ZNF609: variants seen among roughly 807,000 people sequenced by gnomAD.
ZNF609 encodes the protein zinc finger protein 609.
A neutral mutation model predicts 109.5 loss-of-function variants in ZNF609; 11 were observed. The ratio of observed to expected loss-of-function variants is 0.10; its 90% CI spans 0.06 to 0.17. The LOEUF is 0.17. ZNF609 is among the 10% of genes least tolerant of loss of function. ZNF609 has a pLI of 1.00. For synonymous variants in ZNF609, 646 were observed against 662.0 expected (o/e 0.98, Z 0.37); for missense variants, 1,559 against 1,772.4 (o/e 0.88, Z 2.16).
At chr15:64,670,208 C>T in intron 3 of ZNF609, 138 bp from the exon 4 acceptor site, 1 of 684,050 alleles carries the variant, frequency 1.5e-6, no homozygotes, top group South Asian at 1.7e-5. Flanking sequence ...CTATTCTGGC[C>T]CAATCCTATT....
intron 3 of ZNF609, among the ~76,000 whole-genome samples, chr15:64,661,621 A>G (rs1368755521): frequency 6.6e-6 from 1 of 152,174 alleles, no homozygotes; most frequent in East Asian, 1.9e-4. Flanking sequence ...ATTCAGGTAC[A>G]CTTCATCTCT....
At chr15:64,653,585 G>A (rs572350275) in intron 3 of ZNF609, among the ~76,000 whole-genome samples, 1 of 152,152 alleles carries the variant, frequency 6.6e-6, no homozygotes, top group African/African-American at 2.4e-5. Flanking sequence ...GGCAGAGGTT[G>A]CAGTGAGCTG....
Position 64,583,600 on chromosome 15 carries a change from A to C in ZNF609, c.748-39227A>C, listed in dbSNP as rs374547333. 5.3e-4 allele frequency among the ~76,000 whole-genome samples: 81 copies of C among 152,284 alleles called. No individual in the cohort carries two copies. In the East Asian group the frequency reaches 9.1e-3, roughly 17 times the overall value. On this transcript the variant is annotated intron_variant, in intron 2 of 9. Transcript: ENST00000326648. ...CTGCTTTCTCATAGCCCAGAGGAGCAAAAAGGGGTTTGTGTTTGACTGTTG... is the reference window on the plus strand; with the variant it reads ...CTGCTTTCTCATAGCCCAGAGGAGCCAAAAGGGGTTTGTGTTTGACTGTTG...
chr15:64,610,427 C>A (rs1417860426), intron 2 of ZNF609, among the ~76,000 whole-genome samples: 1 of 152,080 alleles, frequency 6.6e-6, no homozygotes, highest in Non-Finnish European at 1.5e-5. Flanking sequence ...CAACAAACCC[C>A]AGTGACAGTT....
intron 2 of ZNF609, among the ~76,000 whole-genome samples, chr15:64,585,551 A>AT (rs1595728593): frequency 6.6e-6 from 1 of 152,158 alleles, no homozygotes; most frequent in East Asian, 1.9e-4. Context: ...TAAGATATCC[A>AT]TTTTTTGGAA....
intron 1 of ZNF609, among the ~76,000 whole-genome samples, chr15:64,468,433 T>G (rs1893045523): frequency 6.6e-6 from 1 of 150,788 alleles, no homozygotes; most frequent in Admixed American, 6.6e-5. Context: ...TTTTTTTGTG[T>G]GTTTTTTTTT....
intron 2 of ZNF609, among the ~76,000 whole-genome samples, chr15:64,618,327 G>T (rs1188693726): frequency 6.6e-6 from 1 of 152,168 alleles, no homozygotes; most frequent in East Asian, 1.9e-4. Flanking sequence ...GACCTGTAGG[G>T]TAACATACAG....
intron 2 of ZNF609, among the ~76,000 whole-genome samples, chr15:64,586,472 G>C (rs1895198928): frequency 6.6e-6 from 1 of 152,154 alleles, no homozygotes; most frequent in Non-Finnish European, 1.5e-5. Context: ...GGCTGAGAAA[G>C]TATTAGCACC....
intron 2 of ZNF609, 90 bp from the exon 3 acceptor site, chr15:64,622,737 A>C: frequency 1.4e-5 from 16 of 1,121,794 alleles, no homozygotes; most frequent in Non-Finnish European, 1.9e-5. Flanking sequence ...TCTGGCAGGA[A>C]TAGATATAGG....
intron 2 of ZNF609, among the ~76,000 whole-genome samples, chr15:64,550,870 C>A (rs1894457448): frequency 6.6e-6 from 1 of 150,736 alleles, no homozygotes; most frequent in South Asian, 2.1e-4. Flanking sequence ...ACATGATTTG[C>A]AAATATTTTC....
At chr15:64,473,191 C>CTTTTT (rs951319279) in intron 1 of ZNF609, among the ~76,000 whole-genome samples, 31 of 76,066 alleles carry the variant, frequency 4.1e-4, no homozygotes, top group African/African-American at 9.1e-4. Flanking sequence ...ATATTTGGTT[C>CTTTTT]TTTTTTTTTT....
rs536352460 is a variant in ZNF609 at position 64,591,220 on chromosome 15, G to C, written c.748-31607G>C. Among the ~76,000 whole-genome samples, 6 of 152,256 alleles carry C rather than the reference G, an allele frequency of 3.9e-5. No individual in the cohort carries two copies. In the South Asian group the frequency reaches 1.2e-3, roughly 32 times the overall value. On this transcript the variant is annotated intron_variant, in intron 2 of 9. Coordinates refer to ENST00000326648, the MANE Select transcript of ZNF609 (RefSeq NM_015042.2). ...CAAGGCTGGCGGATCATGAGGTCAAGAGATCGAGACCATCCTGGCCAACAT... is the reference window on the plus strand; with the variant it reads ...CAAGGCTGGCGGATCATGAGGTCAACAGATCGAGACCATCCTGGCCAACAT...
intron 2 of ZNF609, chr15:64,593,357 C>G (rs1895335851): frequency 9.3e-7 from 1 of 1,070,986 alleles, no homozygotes; most frequent in African/African-American, 1.5e-5. Context: ...TGAAGACAGG[C>G]TATTCTCTGG....
At chr15:64,671,774 A>G (rs1896734578) in intron 4 of ZNF609, among the ~76,000 whole-genome samples, 2 of 152,200 alleles carry the variant, frequency 1.3e-5, no homozygotes, top group African/African-American at 4.8e-5. Context: ...GATCATATTC[A>G]TTGAAAATGG....
At chr15:64,551,816 G>A (rs1320413112) in intron 2 of ZNF609, among the ~76,000 whole-genome samples, 3 of 148,826 alleles carry the variant, frequency 2.0e-5, no homozygotes, top group Non-Finnish European at 4.5e-5. Context: ...ACTACCAAAC[G>A]TCTCTACTAA....
intron 2 of ZNF609, among the ~76,000 whole-genome samples, chr15:64,574,735 C>CCT (rs2140417199): frequency 6.6e-6 from 1 of 152,220 alleles, no homozygotes; most frequent in East Asian, 1.9e-4. Context: ...ATGCCCCCTC[C>CCT]CTCCTCTCTA....
chr15:64,539,676 G>A (rs944580955), intron 2 of ZNF609, among the ~76,000 whole-genome samples: 9 of 152,106 alleles, frequency 5.9e-5, no homozygotes, highest in Non-Finnish European at 1.3e-4. Context: ...GCTAATTTTT[G>A]TATTTTTAGT....
At chr15:64,590,599 G>A (rs1033152462) in intron 2 of ZNF609, among the ~76,000 whole-genome samples, 2 of 151,984 alleles carry the variant, frequency 1.3e-5, no homozygotes, top group South Asian at 2.1e-4. Flanking sequence ...AATTGCCCAC[G>A]TGAGCCACCT....
At chr15:64,657,720 A>G (rs1450615957) in intron 3 of ZNF609, among the ~76,000 whole-genome samples, 3 of 152,194 alleles carry the variant, frequency 2.0e-5, no homozygotes, top group African/African-American at 7.2e-5. Context: ...GACTATTGGG[A>G]TAGTCTACAG....
Sources: allele counts gnomAD v4.1 joint callset (sites outside exome capture counted in the v4.1 genomes callset), GRCh38; gene constraint gnomAD v4.1.1; transcripts MANE v1.5; gene names NCBI Gene and HGNC (gene_info 2026-07-23, HGNC 2026-07-21).